BNC2: variants seen among roughly 807,000 people sequenced by gnomAD.
BNC2 encodes the protein basonuclin zinc finger protein 2, also known as zinc finger protein basonuclin-2.
A neutral mutation model predicts 76.3 loss-of-function variants in BNC2; 20 were observed. That is an observed-to-expected ratio of 0.26 (90% CI 0.18 to 0.38). BNC2 has a LOEUF of 0.38. BNC2 is among the 10% of genes least tolerant of loss of function. BNC2 has a pLI of 1.00. For synonymous variants in BNC2, 582 were observed against 514.8 expected, an observed-to-expected ratio of 1.13 and a Z score of -1.77; for missense variants, 1,382 against 1,399.8, an observed-to-expected ratio of 0.99 and a Z score of 0.20.
In BNC2 at chr9:16,548,074, G is replaced by A. The variant is rs532285922; in HGVS notation, c.669+4456C>T. 2.6e-5 allele frequency among the ~76,000 whole-genome samples: 4 copies of A among 152,280 alleles called. No homozygotes were observed. The South Asian group carries it at 8.3e-4, about 32-fold the overall frequency. On this transcript the variant is annotated intron_variant, in intron 5 of 6. Transcript: ENST00000380672. ...TCAATACCACTCTTCTTATAAGGCT[G>A]TTGACATCTCAGCTAAATATTCAGA... is the stretch of plus-strand genomic sequence containing the variant.
intron 1 of BNC2, among the ~76,000 whole-genome samples, chr9:16,828,566 C>A (rs1270604340): frequency 6.6e-6 from 1 of 152,160 alleles, no homozygotes; most frequent in Non-Finnish European, 1.5e-5. Context: ...AGACTACGGT[C>A]CCACCAGTAA....
intron 1 of BNC2, among the ~76,000 whole-genome samples, chr9:16,747,527 T>C (rs1825046429): frequency 6.6e-6 from 1 of 152,202 alleles, no homozygotes. Context: ...GGTATTATTA[T>C]TCTCATTTTA....
At chr9:16,702,703 C>T (rs1381774740) in intron 3 of BNC2, among the ~76,000 whole-genome samples, 2 of 152,244 alleles carry the variant, frequency 1.3e-5, no homozygotes, top group Non-Finnish European at 2.9e-5. Flanking sequence ...GAATAAGCCA[C>T]AGAGCAGGTC....
At chr9:16,823,588 G>A (rs953465468) in intron 1 of BNC2, among the ~76,000 whole-genome samples, 1 of 150,942 alleles carries the variant, frequency 6.6e-6, no homozygotes, top group African/African-American at 2.4e-5. Context: ...GGGCAACAGA[G>A]TGAGATCCTG....
intron 3 of BNC2, among the ~76,000 whole-genome samples, chr9:16,597,228 C>T (rs1422521060): frequency 6.6e-6 from 1 of 152,080 alleles, no homozygotes; most frequent in Admixed American, 6.6e-5. Context: ...TATGTAACTG[C>T]TTATTTTTAA....
chr9:16,578,415 A>G (rs954181957), intron 4 of BNC2, among the ~76,000 whole-genome samples: 1 of 152,138 alleles, frequency 6.6e-6, no homozygotes. Context: ...CCTTTACATC[A>G]TGCCTCCTGT....
At chr9:16,818,296 T>C (rs954150475) in intron 1 of BNC2, among the ~76,000 whole-genome samples, 5 of 152,070 alleles carry the variant, frequency 3.3e-5, no homozygotes, top group South Asian at 4.2e-4. Context: ...CCCAGCTACT[T>C]GGGAGGCTGA....
At chr9:16,866,412 G>A (rs1170309059) in intron 1 of BNC2, among the ~76,000 whole-genome samples, 1 of 151,368 alleles carries the variant, frequency 6.6e-6, no homozygotes, top group African/African-American at 2.4e-5. Context: ...ACTAAAAGAA[G>A]TTAACCCACT....
chr9:16,799,369 C>G (rs1310697436), intron 1 of BNC2, among the ~76,000 whole-genome samples: 1 of 152,134 alleles, frequency 6.6e-6, no homozygotes, highest in African/African-American at 2.4e-5. Context: ...AACTGGAGTG[C>G]AGTGGCAGGA....
chr9:16,415,400 C>T lies in BNC2; in HGVS notation c.*3589G>A, dbSNP rs900002126. 12 of 152,626 alleles carry T rather than the reference C, an allele frequency of 7.9e-5. No individual in the cohort carries two copies. Among genetic ancestry groups the T allele is most frequent in the African/African-American group, 2.4e-4 (10 of 41,444 alleles). The allele number at this position is 152,626 out of a possible 1,614,324, so 9.5% of individuals were successfully genotyped here. On this transcript the variant is annotated 3_prime_UTR_variant, in exon 7 of 7. Coordinates refer to ENST00000380672, the MANE Select transcript of BNC2 (RefSeq NM_017637.6). ...AGCTAGAGAACATGCACAGTCATAC[C>T]GCCTAATTTTGTACCTGTGATAAAC...
At chr9:16,522,291 G>C (rs750499148) in intron 5 of BNC2, among the ~76,000 whole-genome samples, 3 of 152,154 alleles carry the variant, frequency 2.0e-5, no homozygotes, top group Admixed American at 6.5e-5. Flanking sequence ...TAGCAGAAAT[G>C]TCACTCAGCC....
At chr9:16,832,654 A>G (rs1818602898) in intron 1 of BNC2, among the ~76,000 whole-genome samples, 1 of 152,202 alleles carries the variant, frequency 6.6e-6, no homozygotes, top group South Asian at 2.1e-4. Context: ...TCCATATAGC[A>G]TTTAGAGGTA....
chr9:16,674,110 T>C (rs537389379), intron 3 of BNC2, among the ~76,000 whole-genome samples: 2 of 152,336 alleles, frequency 1.3e-5, no homozygotes, highest in East Asian at 1.9e-4. Flanking sequence ...TTCATCTCAT[T>C]ACAGCATCAA....
intron 6 of BNC2, among the ~76,000 whole-genome samples, 193 bp downstream of exon 6, chr9:16,435,362 C>T (rs1015915303): frequency 2.0e-5 from 3 of 152,114 alleles, no homozygotes; most frequent in Non-Finnish European, 2.9e-5. Flanking sequence ...ATTCTGCATG[C>T]TTAATCATCA....
At chr9:16,736,138 G>A (rs62541515) in intron 2 of BNC2, among the ~76,000 whole-genome samples, 65,939 of 151,050 alleles carry the variant, frequency 0.44, 18,669 homozygotes, top group Non-Finnish European at 0.64. Flanking sequence ...GGAAGCTGAG[G>A]CAGGAGAATC....
At chr9:16,700,079 T>C (rs887082168) in intron 3 of BNC2, among the ~76,000 whole-genome samples, 4 of 152,202 alleles carry the variant, frequency 2.6e-5, no homozygotes, top group Non-Finnish European at 1.5e-5. Flanking sequence ...ATGTCTTTAA[T>C]AGATATGCTA....
intron 3 of BNC2, among the ~76,000 whole-genome samples, chr9:16,650,757 T>C (rs1415576687): frequency 1.3e-5 from 2 of 152,166 alleles, no homozygotes; most frequent in African/African-American, 2.4e-5. Flanking sequence ...GCTCAAAATA[T>C]ATTGCAGCTT....
At chr9:16,473,251 C>A (rs1021270109) in intron 5 of BNC2, 1 of 152,178 alleles carries the variant, frequency 6.6e-6, no homozygotes, top group Non-Finnish European at 1.5e-5. Context: ...AATTCAGATT[C>A]TTTAACAACC....
intron 4 of BNC2, among the ~76,000 whole-genome samples, chr9:16,577,807 A>G (rs2132969877): frequency 6.6e-6 from 1 of 152,350 alleles, no homozygotes; most frequent in East Asian, 1.9e-4. Flanking sequence ...AAAGGAAATA[A>G]CACTGGTATT....
Sources: gnomAD v4.1 joint callset for allele counts (sites outside exome capture counted in the v4.1 genomes callset) on GRCh38, gnomAD v4.1.1 for gene constraint, MANE v1.5 for transcripts, NCBI Gene and HGNC (gene_info 2026-07-23, HGNC 2026-07-21) for gene names.